SLC25A21: variants seen among roughly 807,000 people sequenced by gnomAD.
The protein encoded by SLC25A21 is mitochondrial 2-oxodicarboxylate carrier.
A neutral mutation model predicts 43.8 loss-of-function variants in SLC25A21; 47 were observed. The ratio of observed to expected loss-of-function variants is 1.07; its 90% CI spans 0.85 to 1.37. SLC25A21 has a LOEUF of 1.37. Ranked by LOEUF, SLC25A21 falls within the 40% of genes most tolerant of loss-of-function variation. The probability of loss-of-function intolerance (pLI) is 0.00; values close to 1 mark genes in which losing one functional copy is unlikely to be tolerated. For synonymous variants in SLC25A21, 131 were observed against 121.3 expected (o/e 1.08, Z -0.52); for missense variants, 352 against 350.2 (o/e 1.00, Z -0.04).
At chr14:37,096,935 T>C (rs1962705525) in intron 1 of SLC25A21, 1 of 152,170 alleles carries the variant, frequency 6.6e-6, no homozygotes, top group Non-Finnish European at 1.5e-5. Flanking sequence ...TGGACATTTG[T>C]TGATGTCTGG....
At chr14:36,906,014 T>C (rs1891524811) in intron 1 of SLC25A21, among the ~76,000 whole-genome samples, 2 of 152,136 alleles carry the variant, frequency 1.3e-5, no homozygotes, top group Admixed American at 6.5e-5. Context: ...TATAAAGCAG[T>C]GAGTCTTTCC....
At chr14:36,911,855 C>T (rs1891694551) in intron 1 of SLC25A21, among the ~76,000 whole-genome samples, 1 of 152,132 alleles carries the variant, frequency 6.6e-6, no homozygotes, top group Non-Finnish European at 1.5e-5. Context: ...ATTTGTTACA[C>T]AGCAGTAGAA....
At chr14:37,091,178 T>C (rs571327809) in intron 1 of SLC25A21, among the ~76,000 whole-genome samples, 95 of 152,216 alleles carry the variant, frequency 6.2e-4, no homozygotes, top group African/African-American at 2.3e-3. Context: ...CTCATACCTG[T>C]AATCCCAGCA....
At chr14:37,127,764 T>C (rs961670162) in intron 1 of SLC25A21, among the ~76,000 whole-genome samples, 1 of 152,190 alleles carries the variant, frequency 6.6e-6, no homozygotes, top group Admixed American at 6.5e-5. Flanking sequence ...AAACTAAAGA[T>C]CTGGTCAGGA....
chr14:36,711,911 T>C (rs7146424), intron 6 of SLC25A21, among the ~76,000 whole-genome samples: 2,456 of 152,332 alleles, frequency 0.016, 57 homozygotes, highest in African/African-American at 0.055. Flanking sequence ...TTTCTAATTA[T>C]GTTTTTCTAA....
chr14:36,779,752 T>C (rs1886984227), intron 3 of SLC25A21, among the ~76,000 whole-genome samples: 1 of 151,082 alleles, frequency 6.6e-6, no homozygotes, highest in African/African-American at 2.4e-5. Flanking sequence ...AATGTTGCAA[T>C]GAACATGGAA....
In SLC25A21 at chr14:37,007,178, A is replaced by C. The variant is rs192956544; in HGVS notation, c.71-132174T>G. On this transcript the variant is annotated intron_variant, in intron 1 of 9. Transcript: ENST00000331299. ...CAGAGGAACTCTCTGACAGTCTAAC[A>C]CATTGTTATTCCAAGAATTGCTCTT... Among the ~76,000 whole-genome samples the C allele has an allele frequency of 5.9e-5, 9 of 152,350 alleles. No homozygotes were observed. The East Asian group carries it at 1.7e-3, about 29-fold the overall frequency.
At chr14:37,162,908 T>G (rs929102012) in intron 1 of SLC25A21, among the ~76,000 whole-genome samples, 4 of 151,430 alleles carry the variant, frequency 2.6e-5, no homozygotes, top group African/African-American at 4.9e-5. Context: ...CCAACAATGA[T>G]AGACTGGATT....
intron 1 of SLC25A21, among the ~76,000 whole-genome samples, chr14:37,025,219 A>G (rs578215369): frequency 6.6e-6 from 1 of 152,166 alleles, no homozygotes; most frequent in Non-Finnish European, 1.5e-5. Context: ...ATTTTGTGAC[A>G]TCAAGCAAGT....
chr14:36,881,924 C>A (rs562695790), intron 1 of SLC25A21, among the ~76,000 whole-genome samples: 3 of 152,276 alleles, frequency 2.0e-5, no homozygotes, highest in Non-Finnish European at 4.4e-5. Context: ...GTTTATTTTA[C>A]TATACACAAT....
intron 1 of SLC25A21, among the ~76,000 whole-genome samples, chr14:36,920,110 T>C (rs1222014917): frequency 6.6e-6 from 1 of 152,094 alleles, no homozygotes; most frequent in African/African-American, 2.4e-5. Context: ...TCCAGTAACA[T>C]TTCTTCCAGA....
Position 36,684,801 on chromosome 14 carries a change from C to T in SLC25A21, c.728G>A (p.Gly243Glu). ...AAAACAGGTTCTGTACTTGATCTCT[C>T]CAGGAACTGGTTGAGGCCCTTGAAT... ...SRIQGPQPVP[G>E]EIKYRTCFKT... The change falls in exon 8 of 10, where the codon GGA becomes GAA. Residue 243 changes from glycine (G) to glutamate (E), a missense_variant. Transcript: ENST00000331299. 2 of 1,614,058 alleles carry T rather than the reference C, an allele frequency of 1.2e-6. No homozygotes were observed. The highest frequency in any genetic ancestry group is 1.7e-6 in the Non-Finnish European group (2 of 1,179,964).
At chr14:37,007,526 C>T (rs1489322094) in intron 1 of SLC25A21, among the ~76,000 whole-genome samples, 1 of 151,692 alleles carries the variant, frequency 6.6e-6, no homozygotes, top group Non-Finnish European at 1.5e-5. Context: ...TAGCTTGAAC[C>T]AGGGAGTTGG....
chr14:36,906,725 C>T (rs146452209), intron 1 of SLC25A21, among the ~76,000 whole-genome samples: 5,724 of 151,960 alleles, frequency 0.038, 190 homozygotes, highest in African/African-American at 0.084. Context: ...AGGATGGTCT[C>T]GATCTCCTGA....
chr14:37,118,629 A>G (rs571933161), intron 1 of SLC25A21, among the ~76,000 whole-genome samples: 25 of 152,200 alleles, frequency 1.6e-4, no homozygotes, highest in Non-Finnish European at 3.2e-4. Flanking sequence ...ATTTTAAAAG[A>G]TATTTAAGGA....
At chr14:37,024,176 C>T (rs536119527) in intron 1 of SLC25A21, among the ~76,000 whole-genome samples, 76 of 152,222 alleles carry the variant, frequency 5.0e-4, no homozygotes, top group African/African-American at 1.7e-3. Context: ...CAATGCGTAG[C>T]TTTCCTAATG....
At chr14:36,927,885 G>A (rs930936859) in intron 1 of SLC25A21, among the ~76,000 whole-genome samples, 2 of 152,076 alleles carry the variant, frequency 1.3e-5, no homozygotes, top group Non-Finnish European at 2.9e-5. Context: ...CTCAATAACA[G>A]AGCATGAGCA....
At chr14:36,841,830 G>A (rs1772909785) in intron 2 of SLC25A21, among the ~76,000 whole-genome samples, 1 of 152,014 alleles carries the variant, frequency 6.6e-6, no homozygotes, top group African/African-American at 2.4e-5. Flanking sequence ...TCCCTGTGCA[G>A]GCAAGTGAGG....
In SLC25A21 at chr14:36,926,432, T is replaced by C. The variant is rs75013875; in HGVS notation, c.71-51428A>G. 9.6e-3 allele frequency among the ~76,000 whole-genome samples: 1,465 copies of C among 151,964 alleles called. 31 individuals are homozygous for C. The highest frequency in any genetic ancestry group is 0.033 in the African/African-American group (1,357 of 41,438). On this transcript the variant is annotated intron_variant, in intron 1 of 9. Transcript: ENST00000331299. ...AAATGATACATTTAAACAAAGACATTTGAGAGACAACAGAGGAAAAAGACC... is the reference window on the plus strand; with the variant it reads ...AAATGATACATTTAAACAAAGACATCTGAGAGACAACAGAGGAAAAAGACC...
Sources: gnomAD v4.1 joint callset for allele counts (sites outside exome capture counted in the v4.1 genomes callset) on GRCh38, gnomAD v4.1.1 for gene constraint, MANE v1.5 for transcripts, NCBI Gene and HGNC (gene_info 2026-07-23, HGNC 2026-07-21) for gene names.